The following AFG2A variants were observed in gnomAD, a reference collection of about 807,000 sequenced individuals.
The protein encoded by AFG2A is AAA ATPase AFG2A.
At chr4:123,274,545 G>A in the AFG2A span, among the ~76,000 whole-genome samples, 1,690 of 151,270 alleles carry the variant, frequency 0.011, 30 homozygotes, top group African/African-American at 0.038. Flanking sequence ...GATTTGGATC[G>A]TTGCTGGTTT....
At chr4:123,162,291 G>A in the AFG2A span, among the ~76,000 whole-genome samples, 1 of 152,144 alleles carries the variant, frequency 6.6e-6, no homozygotes, top group Non-Finnish European at 1.5e-5. Flanking sequence ...GGAAAAATGG[G>A]ACTTTTGAAC....
chr4:123,154,224 CT>C, the AFG2A span, among the ~76,000 whole-genome samples: 18 of 148,184 alleles, frequency 1.2e-4, no homozygotes, highest in Admixed American at 4.0e-4. Context: ...AATAAGGGAG[CT>C]TTTTTTTTTC....
chr4:123,293,617 T>C, the AFG2A span, among the ~76,000 whole-genome samples: 1 of 152,094 alleles, frequency 6.6e-6, no homozygotes, highest in Admixed American at 6.5e-5. Context: ...CAGAACAAAG[T>C]CCCACAACCT....
At chr4:123,265,402 G>A in the AFG2A span, among the ~76,000 whole-genome samples, 1 of 152,086 alleles carries the variant, frequency 6.6e-6, no homozygotes, top group South Asian at 2.1e-4. Flanking sequence ...AAACTTCAAT[G>A]TATGGAGATA....
the AFG2A span, among the ~76,000 whole-genome samples, chr4:123,298,768 T>A: frequency 6.6e-6 from 1 of 152,238 alleles, no homozygotes; most frequent in African/African-American, 2.4e-5. Context: ...TATAAAAAAT[T>A]AATAATTCTG....
chr4:122,937,105 T>C, the AFG2A span, among the ~76,000 whole-genome samples: 1 of 152,056 alleles, frequency 6.6e-6, no homozygotes, highest in Admixed American at 6.5e-5. Flanking sequence ...AGCCATGATT[T>C]CACTGCTGCA....
At chr4:123,153,616 T>A in the AFG2A span, among the ~76,000 whole-genome samples, 1 of 152,090 alleles carries the variant, frequency 6.6e-6, no homozygotes, top group Non-Finnish European at 1.5e-5. Flanking sequence ...TTTATAAGGG[T>A]TAACTGCCTT....
At chr4:123,228,521 A>G in the AFG2A span, among the ~76,000 whole-genome samples, 1 of 152,074 alleles carries the variant, frequency 6.6e-6, no homozygotes. Flanking sequence ...ACATATTTCA[A>G]GTGCTAAGTG....
At chr4:122,933,474 C>CTGGT in the AFG2A span, 1 of 1,612,236 alleles carries the variant, frequency 6.2e-7, no homozygotes, top group Non-Finnish European at 8.5e-7. Context: ...GAAGAACTGA[C>CTGGT]TGGTTGTATC....
chr4:122,935,314 A>T, the AFG2A span, among the ~76,000 whole-genome samples: 1 of 152,084 alleles, frequency 6.6e-6, no homozygotes, highest in African/African-American at 2.4e-5. Context: ...GCTCATACTT[A>T]TGTACCTTTT....
the AFG2A span, among the ~76,000 whole-genome samples, chr4:123,020,186 C>T: frequency 6.6e-6 from 1 of 151,844 alleles, no homozygotes; most frequent in African/African-American, 2.4e-5. Context: ...TACATACAAA[C>T]ACAAACACAC....
the AFG2A span, among the ~76,000 whole-genome samples, chr4:123,106,314 T>G: frequency 6.6e-6 from 1 of 152,256 alleles, no homozygotes; most frequent in South Asian, 2.1e-4. Flanking sequence ...AGCTTTTATA[T>G]ATATTGGTAA....
At chr4:123,168,380 AATCTCTTAAAGTGAAAT>A in the AFG2A span, among the ~76,000 whole-genome samples, 1 of 152,186 alleles carries the variant, frequency 6.6e-6, no homozygotes, top group South Asian at 2.1e-4. Flanking sequence ...GACTTGTTAG[AATCTCTTAAAGTGAAAT>A]TTCTAACACT....
chr4:122,944,804 G>A, the AFG2A span, among the ~76,000 whole-genome samples: 2 of 152,082 alleles, frequency 1.3e-5, no homozygotes, highest in African/African-American at 4.8e-5. Context: ...TGATGTACAG[G>A]TGGGTTTTTG....
chr4:123,067,225 T>C, the AFG2A span, among the ~76,000 whole-genome samples: 4 of 152,146 alleles, frequency 2.6e-5, no homozygotes, highest in Non-Finnish European at 5.9e-5. Context: ...GTGTGAGATT[T>C]TAAGAAAATG....
At chr4:123,241,321 C>A in the AFG2A span, among the ~76,000 whole-genome samples, 2 of 151,946 alleles carry the variant, frequency 1.3e-5, no homozygotes, top group Admixed American at 1.3e-4. Flanking sequence ...CTGGCAGAGA[C>A]AAAACAAAAA....
chr4:123,255,272 G>A, the AFG2A span, among the ~76,000 whole-genome samples: 1 of 150,528 alleles, frequency 6.6e-6, no homozygotes, highest in East Asian at 2.1e-4. Flanking sequence ...TGTAATCCCA[G>A]CACTCTGGGA....
At chr4:123,259,055 C>T in the AFG2A span, among the ~76,000 whole-genome samples, 2,361 of 151,982 alleles carry the variant, frequency 0.016, 55 homozygotes, top group African/African-American at 0.055. Context: ...TTATTAGAGA[C>T]AGGGTTTCAC....
the AFG2A span, among the ~76,000 whole-genome samples, chr4:123,054,860 G>GC: frequency 4.6e-5 from 7 of 151,622 alleles, no homozygotes; most frequent in Non-Finnish European, 1.0e-4. Flanking sequence ...GCACTCCTTT[G>GC]CCTTAAACTT....
Sources: allele counts gnomAD v4.1 joint callset (sites outside exome capture counted in the v4.1 genomes callset), GRCh38; gene constraint gnomAD v4.1.1; transcripts MANE v1.5; gene names NCBI Gene and HGNC (gene_info 2026-07-23, HGNC 2026-07-21).